Variants in SPTAN1 observed in about 807,000 individuals in gnomAD.
SPTAN1 encodes the protein spectrin alpha chain, non-erythrocytic 1.
A neutral mutation model predicts 331.3 loss-of-function variants in SPTAN1; 61 were observed. That is an observed-to-expected ratio of 0.18 (90% CI 0.15 to 0.23). The LOEUF (loss-of-function observed/expected upper bound fraction) is 0.23. Ranked by LOEUF, SPTAN1 falls within the 10% of genes least tolerant of loss-of-function variation. SPTAN1 has a pLI of 1.00. For synonymous variants in SPTAN1, 1,153 were observed against 1,173.9 expected (o/e 0.98, Z 0.36); for missense variants, 2,043 against 3,147.9 (o/e 0.65, Z 8.40).
In SPTAN1 at chr9:128,633,118, C is replaced by T. The variant is rs1009592604; in HGVS notation, c.7309-91C>T. The T allele has an allele frequency of 2.5e-6, 4 of 1,600,218 alleles. No homozygotes were observed. The African/African-American group carries it at 5.4e-5, about 21-fold the overall frequency. ...GTCCCGGATCTGCTTGTAGAAGCAGCTCCGAGCCCCCAGCATCCTGAGACC... is the reference window on the plus strand; with the variant it reads ...GTCCCGGATCTGCTTGTAGAAGCAGTTCCGAGCCCCCAGCATCCTGAGACC... On this transcript the variant is annotated intron_variant, in intron 56 of 56. Transcript: ENST00000372739.
At chr9:128,620,676 C>G (rs1857732014) in intron 44 of SPTAN1, among the ~76,000 whole-genome samples, 1 of 152,070 alleles carries the variant, frequency 6.6e-6, no homozygotes, top group South Asian at 2.1e-4. Context: ...CAAGATCACG[C>G]TGCTGCACTC....
chr9:128,605,132 G>T lies in SPTAN1; in HGVS notation c.3818G>T (p.Arg1273Leu). The T allele has an allele frequency of 6.2e-7, 1 of 1,613,838 alleles. No homozygotes were observed. Among genetic ancestry groups the T allele is most frequent in the Non-Finnish European group, 8.5e-7 (1 of 1,179,968 alleles). The stretch of plus-strand genomic sequence containing the variant: ...CTCGCCAGTGTCCAGGCCCTGCAAC[G>T]CAAGCATGAGGGCTTCGAGAGGGAC... ...HDLASVQALQ[R>L]KHEGFERDLA... Residue 1273 changes from arginine (R) to leucine (L), a missense_variant, in exon 30 of 57, where the codon CGC becomes CTC. This residue lies in a region of SPTAN1 where 42 missense variants were observed against 106.0 expected (regional missense o/e 0.40). Coordinates refer to ENST00000372739, the MANE Select transcript of SPTAN1 (RefSeq NM_001130438.3).
intron 3 of SPTAN1, among the ~76,000 whole-genome samples, chr9:128,572,404 G>A (rs1211788187): frequency 1.3e-5 from 2 of 152,150 alleles, no homozygotes; most frequent in Non-Finnish European, 2.9e-5. Context: ...TCTCTAACCT[G>A]CAGTATTTAC....
chr9:128,619,109 C>A, intron 44 of SPTAN1, 106 bp downstream of exon 44: 1 of 1,523,222 alleles, frequency 6.6e-7, no homozygotes, highest in Non-Finnish European at 9.0e-7. Flanking sequence ...ACTAGGAGAG[C>A]ACACAGGGCC....
At chr9:128,612,912 G>C (rs990049389) in intron 39 of SPTAN1, among the ~76,000 whole-genome samples, 8 of 151,428 alleles carry the variant, frequency 5.3e-5, no homozygotes, top group Non-Finnish European at 1.2e-4. Flanking sequence ...GCAACAGAGC[G>C]AGACTTCATC....
At chr9:128,608,099 C>T (rs370108676) in intron 33 of SPTAN1, 31 bp from the exon 34 acceptor site, 10 of 1,614,052 alleles carry the variant, frequency 6.2e-6, no homozygotes, top group Non-Finnish European at 5.1e-6. Flanking sequence ...TGAAGGGCCT[C>T]ATTTTCTCAC....
At chr9:128,620,665 C>T (rs1049465148) in intron 44 of SPTAN1, among the ~76,000 whole-genome samples, 3 of 152,050 alleles carry the variant, frequency 2.0e-5, no homozygotes, top group Admixed American at 2.0e-4. Flanking sequence ...TTGCAGTGAG[C>T]CAAGATCACG....
At position 128,575,184 on chromosome 9, in the gene SPTAN1, A is replaced by G; in HGVS notation, c.505-15A>G. 1 of 1,614,146 alleles carries G rather than the reference A, an allele frequency of 6.2e-7. No individual in the cohort carries two copies. The highest frequency in any genetic ancestry group is 8.5e-7 in the Non-Finnish European group (1 of 1,180,012). On this transcript the variant is annotated splice_polypyrimidine_tract_variant and intron_variant, in intron 4 of 56. Transcript: ENST00000372739. ...GTTGGTTGGTGACTCTGGCTCTCTT[A>G]TGGTCCCTGAATAGGAAGCAATTGT...
chr9:128,593,829 G>A (rs532908765), intron 23 of SPTAN1: 14 of 337,200 alleles, frequency 4.2e-5, no homozygotes, highest in East Asian at 2.7e-4. Context: ...AGTTCATCTC[G>A]TCTCTCCACT....
intron 5 of SPTAN1, among the ~76,000 whole-genome samples, chr9:128,575,855 C>A (rs1564208785): frequency 6.6e-6 from 1 of 152,180 alleles, no homozygotes; most frequent in Non-Finnish European, 1.5e-5. Context: ...GTGTACAATC[C>A]TGTAAGCTGC....
At chr9:128,553,158 G>C (rs1848316713) in intron 1 of SPTAN1, 1 of 152,228 alleles carries the variant, frequency 6.6e-6, no homozygotes, top group African/African-American at 2.4e-5. Flanking sequence ...AATCGCACCA[G>C]CAATGCCGGC....
At chr9:128,587,334 C>T (rs1465155822) in intron 19 of SPTAN1, among the ~76,000 whole-genome samples, 2 of 152,226 alleles carry the variant, frequency 1.3e-5, no homozygotes, top group Non-Finnish European at 2.9e-5. Flanking sequence ...GTCTGCCTGC[C>T]TCAGCCTCCC....
intron 1 of SPTAN1, chr9:128,555,473 C>G: frequency 8.4e-7 from 1 of 1,189,780 alleles, no homozygotes; most frequent in Admixed American, 2.3e-5. Context: ...ATATTCGTGT[C>G]AAAGAGGTTG....
Position 128,566,894 on chromosome 9 carries a change from G to C in SPTAN1, c.154G>C (p.Asp52His). Residue 52 changes from aspartate to histidine, a missense_variant, in exon 2 of 57, where the codon GAT becomes CAT. By Grantham distance (81) the Asp-to-His change is moderately conservative. This residue lies in a region of SPTAN1 where 1,038 missense variants were observed against 1,531.5 expected (regional missense o/e 0.68). Transcript: ENST00000372739. ...DSYRFQFFQR[D>H]AEELEKWIQE... ...CTATCGATTCCAGTTCTTTCAAAGAGATGCTGAAGAGCTGGAGAAATGGAT... is the reference window on the plus strand; with the variant it reads ...CTATCGATTCCAGTTCTTTCAAAGACATGCTGAAGAGCTGGAGAAATGGAT... The C allele has an allele frequency of 6.2e-7, 1 of 1,614,216 alleles. No homozygotes were observed. Among genetic ancestry groups the C allele is most frequent in the Non-Finnish European group, 8.5e-7 (1 of 1,180,038 alleles).
intron 16 of SPTAN1, 48 bp downstream of exon 16, chr9:128,584,017 T>A (rs1409018752): frequency 6.2e-7 from 1 of 1,610,564 alleles, no homozygotes. Context: ...GCAGAAACTA[T>A]AGGAGGGAGG....
rs1431726978 is a variant in SPTAN1, at chr9:128,611,746, A to C, written c.4806A>C (p.Ala1602=). Residue 1602 remains alanine (A), a synonymous_variant, in exon 38 of 57, where the codon GCA becomes GCC. Transcript: ENST00000372739. Reference sequence around the variant, plus strand: ...ACCAGAAGCACCAGGCTTTTGAAGCAGAGCTGCATGCCAACGCTGACCGGA... The same window carrying C: ...ACCAGAAGCACCAGGCTTTTGAAGCCGAGCTGCATGCCAACGCTGACCGGA... ...SKHQKHQAFE[A]ELHANADRIR... is the part of the protein sequence containing the mutation. 4.3e-6 allele frequency: 7 copies of C among 1,614,214 alleles called. No homozygotes were observed. The highest frequency in any genetic ancestry group is 5.9e-6 in the Non-Finnish European group (7 of 1,180,044).
At chr9:128,590,129 A>C (rs1853278189) in intron 21 of SPTAN1, among the ~76,000 whole-genome samples, 2 of 152,226 alleles carry the variant, frequency 1.3e-5, no homozygotes, top group African/African-American at 2.4e-5. Flanking sequence ...GTCCTTGGCC[A>C]TTTTTAAGAG....
chr9:128,588,013 A>AT (rs10627038), intron 20 of SPTAN1, among the ~76,000 whole-genome samples: 21,881 of 136,646 alleles, frequency 0.16, 2,929 homozygotes, highest in East Asian at 0.47. Flanking sequence ...GCCCAGCTAA[A>AT]TTTTTTTTTT....
chr9:128,603,212 CT>C (rs1855405067), intron 27 of SPTAN1, among the ~76,000 whole-genome samples: 1 of 151,898 alleles, frequency 6.6e-6, no homozygotes, highest in Non-Finnish European at 1.5e-5. Flanking sequence ...GAATGTTCTC[CT>C]GTAGTATAGA....
Sources: gnomAD v4.1 joint callset for allele counts (sites outside exome capture counted in the v4.1 genomes callset) on GRCh38, gnomAD v4.1.1 for gene constraint, gnomAD v4.1.1 regional missense constraint, MANE v1.5 for transcripts, NCBI Gene and HGNC (gene_info 2026-07-23, HGNC 2026-07-21) for gene names.